HDAC9: variants seen among roughly 807,000 people sequenced by gnomAD.
The protein encoded by HDAC9 is MEF-2 interacting transcription repressor (MITR) protein.
HDAC9 carries 41 observed loss-of-function variants against 139.4 expected under a neutral mutation model. That is an observed-to-expected ratio of 0.29 (90% CI 0.23 to 0.38). The LOEUF is 0.38. HDAC9 is among the 10% of genes least tolerant of loss of function. The pLI is 1.00. For missense variants in HDAC9, 1,147 were observed against 1,297.0 expected, an observed-to-expected ratio of 0.88 and a Z score of 1.78; for synonymous variants, 517 against 476.2, an observed-to-expected ratio of 1.09 and a Z score of -1.12.
rs1201294435 is a variant in HDAC9, at chr7:18,168,897, T to TTG, written c.25+6577_25+6578dup. On this transcript the variant is annotated intron_variant, in intron 2 of 12. Transcript: ENST00000417496. ...ATGTCTTGTTTTTTTTTTTTTTTTT[T>TTG]TGTGTGTGTGTGTGTGTGTGTGTGT... Among the ~76,000 whole-genome samples the TTG allele has an allele frequency of 6.7e-3, 632 of 94,292 alleles. 7 individuals are homozygous for TTG. The highest frequency in any genetic ancestry group is 0.013 in the African/African-American group (217 of 17,286). The allele number at this position is 94,292 out of a possible 152,430, so 61.9% of individuals were successfully genotyped here.
chr7:18,214,239 A>G (rs1792139748), intron 2 of HDAC9, among the ~76,000 whole-genome samples: 1 of 152,136 alleles, frequency 6.6e-6, no homozygotes, highest in Non-Finnish European at 1.5e-5. Flanking sequence ...AACATCATAC[A>G]GAAAGTATTA....
chr7:18,418,035 CT>C (rs1039244586), intron 1 of HDAC9, among the ~76,000 whole-genome samples: 25 of 152,286 alleles, frequency 1.6e-4, no homozygotes, highest in Middle Eastern at 3.4e-3. Flanking sequence ...TAGAAATGCT[CT>C]CTTGGCAACA....
At chr7:18,177,549 C>T (rs1462112460) in intron 2 of HDAC9, among the ~76,000 whole-genome samples, 3 of 152,164 alleles carry the variant, frequency 2.0e-5, no homozygotes, top group South Asian at 2.1e-4. Flanking sequence ...AATGACCCTT[C>T]CTCACCACTG....
chr7:18,108,082 A>G (rs563640763), intron 1 of HDAC9, among the ~76,000 whole-genome samples: 2 of 152,328 alleles, frequency 1.3e-5, no homozygotes, highest in African/African-American at 4.8e-5. Flanking sequence ...TGTGAAAAAT[A>G]TGCCTACAAT....
At chr7:18,364,069 C>T (rs1431276135) in intron 1 of HDAC9, among the ~76,000 whole-genome samples, 4 of 152,172 alleles carry the variant, frequency 2.6e-5, no homozygotes, top group African/African-American at 9.7e-5. Context: ...TCATAATCCT[C>T]TTTTCAGCAG....
chr7:18,740,353 A>G (rs558122947), intron 13 of HDAC9, among the ~76,000 whole-genome samples: 1 of 152,288 alleles, frequency 6.6e-6, no homozygotes, highest in Admixed American at 6.5e-5. Flanking sequence ...TTCTGTGTCA[A>G]TCACAGAAGA....
intron 12 of HDAC9, among the ~76,000 whole-genome samples, chr7:18,691,749 G>A (rs1782688496): frequency 6.6e-6 from 1 of 152,058 alleles, no homozygotes; most frequent in Non-Finnish European, 1.5e-5. Flanking sequence ...TAACCTGTGT[G>A]TAATTTTTTT....
chr7:18,965,493 C>T (rs1280872309), intron 24 of HDAC9, among the ~76,000 whole-genome samples: 1 of 152,116 alleles, frequency 6.6e-6, no homozygotes, highest in Non-Finnish European at 1.5e-5. Flanking sequence ...GATCCTGATA[C>T]ACAAGGAGTC....
intron 1 of HDAC9, among the ~76,000 whole-genome samples, chr7:18,404,602 A>C (rs1398301327): frequency 1.3e-5 from 2 of 152,222 alleles, no homozygotes; most frequent in African/African-American, 4.8e-5. Context: ...TACTATTAAT[A>C]GTTAAGCTTA....
At chr7:18,510,188 G>T (rs1397342101) in intron 2 of HDAC9, among the ~76,000 whole-genome samples, 2 of 152,138 alleles carry the variant, frequency 1.3e-5, no homozygotes, top group Non-Finnish European at 2.9e-5. Flanking sequence ...CTTTAACAAT[G>T]TGTGTATGAC....
chr7:18,212,452 G>A (rs117756856), intron 2 of HDAC9, among the ~76,000 whole-genome samples: 777 of 152,224 alleles, frequency 5.1e-3, no homozygotes, highest in Non-Finnish European at 7.0e-3. Context: ...CAGAAAATAC[G>A]GGTGTGAATT....
rs140870704 is a variant in HDAC9, at chr7:18,546,194, G to C, written c.23-39087G>C. Reference sequence around the variant, plus strand: ...GAAAGAGATGTTCTTTTTAGAGTTAGTGATTCTATTTTGTTTTTGAAAAAA... The same window carrying C: ...GAAAGAGATGTTCTTTTTAGAGTTACTGATTCTATTTTGTTTTTGAAAAAA... On this transcript the variant is annotated intron_variant, in intron 2 of 25. Coordinates refer to ENST00000686413, the MANE Select transcript of HDAC9 (RefSeq NM_178425.4). Among the ~76,000 whole-genome samples, 33 of 152,230 alleles carry C rather than the reference G, an allele frequency of 2.2e-4. No individual in the cohort carries two copies. In the East Asian group the frequency reaches 4.2e-3, roughly 20 times the overall value.
intron 21 of HDAC9, among the ~76,000 whole-genome samples, chr7:18,843,152 A>C (rs1796694426): frequency 6.6e-6 from 1 of 152,126 alleles, no homozygotes; most frequent in Non-Finnish European, 1.5e-5. Context: ...TTAAAAGGAT[A>C]TCTATGTTTA....
chr7:18,114,560 A>G (rs186949731), intron 1 of HDAC9, among the ~76,000 whole-genome samples: 109 of 152,286 alleles, frequency 7.2e-4, no homozygotes, highest in Admixed American at 6.7e-3. Flanking sequence ...ACCTCCATCT[A>G]GACTATTTTT....
chr7:18,490,480 A>T (rs145976159), intron 1 of HDAC9, among the ~76,000 whole-genome samples: 41 of 152,128 alleles, frequency 2.7e-4, no homozygotes, highest in African/African-American at 9.6e-4. Context: ...TGAAATTTCA[A>T]TGCCAACGTG....
intron 1 of HDAC9, among the ~76,000 whole-genome samples, chr7:18,094,791 A>G (rs975611154): frequency 5.9e-5 from 9 of 152,050 alleles, no homozygotes; most frequent in Non-Finnish European, 1.2e-4. Context: ...CCTGCCTTTC[A>G]TCCAGTAAAT....
intron 12 of HDAC9, among the ~76,000 whole-genome samples, chr7:18,696,534 C>A (rs1783062729): frequency 6.6e-6 from 1 of 150,624 alleles, no homozygotes; most frequent in African/African-American, 2.4e-5. Flanking sequence ...GTGGCGCGAT[C>A]TTGGCTCACT....
intron 1 of HDAC9, 55 bp from the exon 2 acceptor site, chr7:18,496,207 A>G (rs762231115): frequency 6.4e-7 from 1 of 1,573,370 alleles, no homozygotes; most frequent in South Asian, 1.1e-5. Flanking sequence ...CTGAAGTAAG[A>G]GTGACTGGAA....
intron 21 of HDAC9, among the ~76,000 whole-genome samples, chr7:18,856,204 A>G (rs910232462): frequency 2.0e-5 from 3 of 152,170 alleles, no homozygotes; most frequent in African/African-American, 7.2e-5. Context: ...ACAGCCCCTA[A>G]GAAATTATGA....
Sources: gnomAD v4.1 joint callset for allele counts (sites outside exome capture counted in the v4.1 genomes callset) on GRCh38, gnomAD v4.1.1 for gene constraint, MANE v1.5 for transcripts, NCBI Gene and HGNC (gene_info 2026-07-23, HGNC 2026-07-21) for gene names.